Variants in TET1 observed in about 807,000 individuals in gnomAD.
TET1 encodes the protein methylcytosine dioxygenase TET1.
TET1 carries 13 observed loss-of-function variants against 148.7 expected under a neutral mutation model. The ratio of observed to expected loss-of-function variants is 0.09; its 90% CI spans 0.06 to 0.14. TET1 has a LOEUF of 0.14. Ranked by LOEUF, TET1 falls within the 10% of genes least tolerant of loss-of-function variation. TET1 has a pLI of 1.00. For synonymous variants in TET1, 907 were observed against 937.2 expected (o/e 0.97, Z 0.59); for missense variants, 2,182 against 2,553.8 (o/e 0.85, Z 3.14).
chr10:68,676,157 TTG>T (rs112413582), intron 8 of TET1, among the ~76,000 whole-genome samples: 380 of 129,186 alleles, frequency 2.9e-3, no homozygotes, highest in East Asian at 8.1e-3. Context: ...ACCTGGCCTT[TTG>T]TGTGTGTGTG....
chr10:68,651,723 C>G (rs2054938597), intron 4 of TET1, 123 bp from the exon 5 acceptor site: 3 of 607,188 alleles, frequency 4.9e-6, no homozygotes, highest in Non-Finnish European at 5.3e-6. Flanking sequence ...TCAAATCTTA[C>G]CAAAACCTTG....
At chr10:68,561,229 C>T (rs1050237942) in intron 1 of TET1, among the ~76,000 whole-genome samples, 5 of 152,194 alleles carry the variant, frequency 3.3e-5, no homozygotes, top group Non-Finnish European at 7.4e-5. Context: ...CGTGCTCAAG[C>T]GTACCCCCTA....
At chr10:68,661,812 TA>T (rs1225279945) in intron 6 of TET1, among the ~76,000 whole-genome samples, 1 of 131,218 alleles carries the variant, frequency 7.6e-6, no homozygotes. Context: ...TTTTCTTTGT[TA>T]AAAAAACACA....
At chr10:68,578,203 A>G (rs2053754180) in intron 2 of TET1, among the ~76,000 whole-genome samples, 1 of 152,198 alleles carries the variant, frequency 6.6e-6, no homozygotes, top group Non-Finnish European at 1.5e-5. Context: ...TTTGAGATAA[A>G]TAAACTGGGC....
chr10:68,622,472 G>A (rs570282747), intron 3 of TET1, among the ~76,000 whole-genome samples: 2 of 151,728 alleles, frequency 1.3e-5, no homozygotes, highest in Non-Finnish European at 2.9e-5. Flanking sequence ...CACCATGTTC[G>A]CCAGGCTGGT....
chr10:68,617,006 C>CTTTTT lies in TET1; in HGVS notation c.1968+16006_1968+16010dup, dbSNP rs71019039. ...ACAGGCATGAGCCACCGCGCCTGGC[C>CTTTTT]TTTTTTTTTTTTTTTTTTTTTTTTT... On this transcript the variant is annotated intron_variant, in intron 3 of 11. Coordinates refer to ENST00000373644, the MANE Select transcript of TET1 (RefSeq NM_030625.3). Among the ~76,000 whole-genome samples the CTTTTT allele has an allele frequency of 9.8e-4, 39 of 39,614 alleles. 7 individuals are homozygous for CTTTTT. Among genetic ancestry groups the CTTTTT allele is most frequent in the Non-Finnish European group, 1.5e-3 (34 of 22,018 alleles). 26.0% of individuals were successfully genotyped at this position (39,614 alleles called of 152,430 possible).
At chr10:68,580,228 G>A (rs988916581) in intron 2 of TET1, among the ~76,000 whole-genome samples, 5 of 150,828 alleles carry the variant, frequency 3.3e-5, no homozygotes, top group Admixed American at 6.6e-5. Flanking sequence ...GTGCCCGGCC[G>A]AGTCTCACTC....
At chr10:68,673,960 CTTTTTTTTTT>C (rs869073350) in intron 8 of TET1, among the ~76,000 whole-genome samples, 1 of 72,400 alleles carries the variant, frequency 1.4e-5, no homozygotes, top group Non-Finnish European at 2.9e-5. Flanking sequence ...TTTTCTTTTT[CTTTTTTTTTT>C]TTTTTTTTGA....
chr10:68,691,375 A>G lies in TET1; in HGVS notation c.5972A>G (p.Asp1991Gly). 1 of 1,614,140 alleles carries G rather than the reference A, an allele frequency of 6.2e-7. No individual in the cohort carries two copies. Among genetic ancestry groups the G allele is most frequent in the African/African-American group, 1.3e-5 (1 of 75,018 alleles). The change falls in exon 12 of 12, where the codon GAT (aspartate) becomes GGT (glycine). Residue 1991 changes from aspartate (D) to glycine (G), a missense_variant. Coordinates refer to ENST00000373644, the MANE Select transcript of TET1 (RefSeq NM_030625.3). The surrounding 1 kb of genome is among the most constrained non-coding windows in gnomAD (Gnocchi z 4.4). ...SPAEEKLPHI[D>G]EYWSDSEHIF... Reference sequence around the variant, plus strand: ...GCTGAGGAGAAATTGCCCCACATTGATGAGTATTGGTCAGACAGTGAGCAC... The same window carrying G: ...GCTGAGGAGAAATTGCCCCACATTGGTGAGTATTGGTCAGACAGTGAGCAC...
At chr10:68,597,833 T>C (rs1486439132) in intron 2 of TET1, among the ~76,000 whole-genome samples, 2 of 152,148 alleles carry the variant, frequency 1.3e-5, no homozygotes, top group Non-Finnish European at 2.9e-5. Flanking sequence ...TATTAATAAG[T>C]GAAGCAAAGA....
At chr10:68,613,553 A>G (rs2054246755) in intron 3 of TET1, among the ~76,000 whole-genome samples, 2 of 152,192 alleles carry the variant, frequency 1.3e-5, no homozygotes, top group African/African-American at 4.8e-5. Flanking sequence ...AATGAAGATA[A>G]AAGAATGCCT....
chr10:68,620,214 T>A (rs1312809468), intron 3 of TET1, among the ~76,000 whole-genome samples: 1 of 152,130 alleles, frequency 6.6e-6, no homozygotes, highest in African/African-American at 2.4e-5. Flanking sequence ...AGTGTACAAT[T>A]CAGTGGCTTT....
At chr10:68,688,967 ATT>A in intron 11 of TET1, among the ~76,000 whole-genome samples, 1 of 152,228 alleles carries the variant, frequency 6.6e-6, no homozygotes, top group Non-Finnish European at 1.5e-5. Flanking sequence ...CAGTGCAGGC[ATT>A]TATATAATGC....
At chr10:68,585,312 T>A (rs2053849087) in intron 2 of TET1, among the ~76,000 whole-genome samples, 1 of 152,040 alleles carries the variant, frequency 6.6e-6, no homozygotes, top group African/African-American at 2.4e-5. Context: ...TCTTGTGTTT[T>A]TAATAGAGAC....
Position 68,691,836 on chromosome 10 carries a change from T to C in TET1, c.*22T>C. On this transcript the variant is annotated 3_prime_UTR_variant, in exon 12 of 12. Transcript: ENST00000373644. This position sits in a 1 kb window ranked among gnomAD's most constrained non-coding sequence, Gnocchi z 4.4. ...CTGAAGGCTTTTCTCCCCCTCTTAA[T>C]GCCTTTGCTAGTGCAGTGTATTTTT... is the stretch of plus-strand genomic sequence containing the variant. The C allele has an allele frequency of 8.2e-6, 13 of 1,586,450 alleles. No individual in the cohort carries two copies. The highest frequency in any genetic ancestry group is 1.0e-5 in the Non-Finnish European group (12 of 1,167,602).
intron 4 of TET1, among the ~76,000 whole-genome samples, chr10:68,649,464 G>A (rs1001406359): frequency 6.6e-6 from 1 of 151,996 alleles, no homozygotes; most frequent in Non-Finnish European, 1.5e-5. Context: ...AAAATTAGCC[G>A]GGCATGGTGG....
intron 6 of TET1, among the ~76,000 whole-genome samples, chr10:68,658,737 G>A (rs952501451): frequency 4.6e-5 from 7 of 152,094 alleles, no homozygotes; most frequent in African/African-American, 1.4e-4. Flanking sequence ...TTGAAGAAAA[G>A]GGTAATGTAG....
At chr10:68,572,163 T>A (rs1394329465) in intron 1 of TET1, 54 bp from the exon 2 acceptor site, 1 of 575,780 alleles carries the variant, frequency 1.7e-6, no homozygotes, top group South Asian at 2.5e-5. Flanking sequence ...CTATTTCAAA[T>A]AGGGGAATGC....
At chr10:68,690,346 G>A (rs555638477) in intron 11 of TET1, among the ~76,000 whole-genome samples, 5 of 152,316 alleles carry the variant, frequency 3.3e-5, no homozygotes, top group East Asian at 3.9e-4. Flanking sequence ...AGTAGCTCAA[G>A]CCTGTAATCC....
Sources: gnomAD v4.1 joint callset for allele counts (sites outside exome capture counted in the v4.1 genomes callset) on GRCh38, gnomAD v4.1.1 for gene constraint, Gnocchi (gnomAD v3.1) non-coding constraint, MANE v1.5 for transcripts, NCBI Gene and HGNC (gene_info 2026-07-23, HGNC 2026-07-21) for gene names.